Variants in PIGL observed in about 807,000 individuals in gnomAD.
PIGL encodes phosphatidylinositol glycan anchor biosynthesis class L.
A neutral mutation model predicts 31.1 loss-of-function variants in PIGL; 22 were observed. The observed-to-expected ratio is 0.71, with a 90% CI of 0.51 to 1.01. PIGL has a LOEUF of 1.01. Among genes scored for constraint, PIGL ranks in the 50% least tolerant of loss-of-function variants. The pLI, the probability that PIGL is intolerant of heterozygous loss-of-function variation, is 0.00. For synonymous variants in PIGL, 131 were observed against 117.4 expected (o/e 1.12, Z -0.75); for missense variants, 302 against 315.9 (o/e 0.96, Z 0.33).
In PIGL at chr17:16,325,866, T is replaced by C; in HGVS notation, c.727T>C (p.Tyr243His). ...FRRLYIIFSR[Y>H]MRINSLSFL Reference sequence around the variant, plus strand: ...CCGCCTCTACATTATCTTCTCCCGGTACATGAGAATCAACTCACTGAGCTT... The same window carrying C: ...CCGCCTCTACATTATCTTCTCCCGGCACATGAGAATCAACTCACTGAGCTT... Residue 243 changes from tyrosine (Y) to histidine (H), a missense_variant, in exon 7 of 7, where the codon TAC (tyrosine) becomes CAC (histidine). Physicochemically the swap from Tyr to His is moderately conservative, Grantham distance 83 (BLOSUM62 2). Coordinates refer to ENST00000225609, the MANE Select transcript of PIGL (RefSeq NM_004278.4). 1 of 1,613,782 alleles carries C rather than the reference T, an allele frequency of 6.2e-7. No homozygotes were observed.
chr17:16,317,694 G>T, intron 5 of PIGL, 81 bp from the exon 6 acceptor site: 1 of 1,597,148 alleles, frequency 6.3e-7, no homozygotes. Context: ...CTGAGCCACA[G>T]GGTAGAGGGA....
chr17:16,286,923 G>A (rs2092940541), intron 2 of PIGL, among the ~76,000 whole-genome samples: 1 of 152,200 alleles, frequency 6.6e-6, no homozygotes, highest in South Asian at 2.1e-4. Context: ...TCCTGCAGCA[G>A]TCCGAACCTC....
chr17:16,284,625 T>C (rs941635901), intron 2 of PIGL, among the ~76,000 whole-genome samples: 2 of 152,210 alleles, frequency 1.3e-5, no homozygotes, highest in Non-Finnish European at 2.9e-5. Flanking sequence ...ATTAACTGGC[T>C]CATCTGATCT....
chr17:16,282,361 GGA>G (rs995146135), intron 2 of PIGL, among the ~76,000 whole-genome samples: 1 of 152,106 alleles, frequency 6.6e-6, no homozygotes. Context: ...CTAAGTTATA[GGA>G]GAGAGATAGC....
chr17:16,258,424 C>T (rs1023676900), intron 2 of PIGL, among the ~76,000 whole-genome samples: 90 of 151,608 alleles, frequency 5.9e-4, no homozygotes, highest in Middle Eastern at 3.4e-3. Flanking sequence ...CTGATCTGCC[C>T]GCCTCGGCCT....
At chr17:16,235,778 G>A (rs546573484) in intron 2 of PIGL, among the ~76,000 whole-genome samples, 4 of 125,182 alleles carry the variant, frequency 3.2e-5, no homozygotes, top group African/African-American at 5.8e-5. Context: ...TTTTGCACAC[G>A]GCAAATCAGA....
chr17:16,300,373 A>G (rs1466577192), intron 3 of PIGL, among the ~76,000 whole-genome samples: 1 of 152,192 alleles, frequency 6.6e-6, no homozygotes, highest in Non-Finnish European at 1.5e-5. Context: ...ACAGAGTATC[A>G]TTTTAACTTT....
At chr17:16,247,027 T>A (rs898467938) in intron 2 of PIGL, among the ~76,000 whole-genome samples, 7 of 151,986 alleles carry the variant, frequency 4.6e-5, no homozygotes, top group African/African-American at 1.4e-4. Context: ...TTATGAGGAC[T>A]CTCTTCCTGG....
intron 3 of PIGL, among the ~76,000 whole-genome samples, chr17:16,306,856 G>A (rs2093028518): frequency 6.6e-6 from 1 of 152,110 alleles, no homozygotes; most frequent in Admixed American, 6.6e-5. Context: ...AACACCGAAG[G>A]GGTGAGATTC....
chr17:16,221,545 A>T (rs1403444246), intron 1 of PIGL, among the ~76,000 whole-genome samples: 1 of 146,350 alleles, frequency 6.8e-6, no homozygotes, highest in Non-Finnish European at 1.5e-5. Flanking sequence ...TGCCTCCTGG[A>T]TTCAAGCAAT....
intron 2 of PIGL, among the ~76,000 whole-genome samples, chr17:16,261,044 A>G (rs1434663338): frequency 6.6e-6 from 1 of 151,208 alleles, no homozygotes; most frequent in African/African-American, 2.4e-5. Flanking sequence ...GCTTGAACCC[A>G]GGAGGCAGAG....
At chr17:16,288,622 C>T (rs886820174) in intron 2 of PIGL, among the ~76,000 whole-genome samples, 33 of 152,140 alleles carry the variant, frequency 2.2e-4, no homozygotes, top group African/African-American at 8.0e-4. Context: ...TCACCGCAAC[C>T]TCTGCCTCCT....
intron 2 of PIGL, among the ~76,000 whole-genome samples, chr17:16,238,759 A>T (rs2092710159): frequency 1.3e-5 from 2 of 150,350 alleles, no homozygotes; most frequent in Admixed American, 6.6e-5. Context: ...AAATAAAAAA[A>T]TTAGCCAGAT....
chr17:16,269,210 G>A (rs947073791), intron 2 of PIGL, among the ~76,000 whole-genome samples: 1 of 152,224 alleles, frequency 6.6e-6, no homozygotes, highest in African/African-American at 2.4e-5. Context: ...GGTACACATA[G>A]GGCCATGTGG....
intron 2 of PIGL, among the ~76,000 whole-genome samples, chr17:16,259,966 C>T (rs753040509): frequency 7.9e-5 from 12 of 152,196 alleles, no homozygotes; most frequent in African/African-American, 2.4e-4. Flanking sequence ...TCCTGGTGCC[C>T]GCTCCAATTT....
intron 3 of PIGL, among the ~76,000 whole-genome samples, chr17:16,303,833 G>C (rs1332917954): frequency 6.6e-6 from 1 of 152,030 alleles, no homozygotes; most frequent in Non-Finnish European, 1.5e-5. Flanking sequence ...TCCCGCCTCA[G>C]CCTCCTGAGT....
intron 3 of PIGL, among the ~76,000 whole-genome samples, chr17:16,301,821 G>T (rs533697630): frequency 1.3e-5 from 2 of 151,462 alleles, no homozygotes; most frequent in Non-Finnish European, 2.9e-5. Flanking sequence ...CACCCACCTC[G>T]GCCTCCCAAA....
chr17:16,248,527 A>G (rs1409317355), intron 2 of PIGL, among the ~76,000 whole-genome samples: 2 of 152,194 alleles, frequency 1.3e-5, no homozygotes, highest in East Asian at 1.9e-4. Context: ...CTTAAAGACC[A>G]TATTTCCACT....
intron 2 of PIGL, among the ~76,000 whole-genome samples, chr17:16,293,776 G>T (rs2142823717): frequency 6.6e-6 from 1 of 152,254 alleles, no homozygotes; most frequent in African/African-American, 2.4e-5. Context: ...GAAGAATAAG[G>T]CACAGGCCTA....
Sources: allele counts gnomAD v4.1 joint callset (sites outside exome capture counted in the v4.1 genomes callset), GRCh38; gene constraint gnomAD v4.1.1; transcripts MANE v1.5; gene names NCBI Gene and HGNC (gene_info 2026-07-23, HGNC 2026-07-21).